Variants in APC observed in about 807,000 individuals in gnomAD.
The protein encoded by APC is APC regulator of Wnt signaling pathway.
In APC, 72 loss-of-function variants were observed where a neutral mutation model predicts 247.0. The observed-to-expected ratio is 0.29, with a 90% confidence interval of 0.24 to 0.35. The LOEUF is 0.35. Among genes scored for constraint, APC ranks in the 10% least tolerant of loss-of-function variants. The pLI, the probability that APC is intolerant of heterozygous loss-of-function variation, is 1.00. For missense variants in APC, 3,400 were observed against 3,360.7 expected, an observed-to-expected ratio of 1.01 and a Z score of -0.29; for synonymous variants, 1,254 against 1,162.5, an observed-to-expected ratio of 1.08 and a Z score of -1.60.
At chr5:112,736,637 C>G (rs527500404), upstream of APC, among the ~76,000 whole-genome samples, 76 of 152,206 alleles carry the variant, frequency 5.0e-4, no homozygotes, top group Admixed American at 2.0e-3. Flanking sequence ...AAGTTTAGGC[C>G]GGGCACAGTG....
intron 10 of APC, among the ~76,000 whole-genome samples, chr5:112,820,217 G>A (rs534986763): frequency 2.1e-5 from 3 of 146,206 alleles, no homozygotes; most frequent in East Asian, 4.0e-4. Flanking sequence ...ACACACACAC[G>A]TGCACTACAA....
intron 1 of APC, among the ~76,000 whole-genome samples, chr5:112,739,456 G>C (rs1752730657): frequency 6.6e-6 from 1 of 152,184 alleles, no homozygotes; most frequent in Admixed American, 6.5e-5. Context: ...GCGGAATTGG[G>C]CTGGCTTAGA....
chr5:112,816,751 C>G (rs762339705), intron 9 of APC, among the ~76,000 whole-genome samples: 1 of 151,146 alleles, frequency 6.6e-6, no homozygotes, highest in Non-Finnish European at 1.5e-5. Context: ...TGAGATTGTG[C>G]CATTGCACTC....
intron 9 of APC, among the ~76,000 whole-genome samples, chr5:112,817,496 T>C (rs983649366): frequency 6.6e-6 from 1 of 152,190 alleles, no homozygotes; most frequent in African/African-American, 2.4e-5. Flanking sequence ...GAAGTATCCA[T>C]ATTTCTCTAA....
At chr5:112,783,968 T>G (rs868685506) in intron 6 of APC, among the ~76,000 whole-genome samples, 2 of 152,222 alleles carry the variant, frequency 1.3e-5, no homozygotes, top group African/African-American at 4.8e-5. Context: ...ATTTTTTTTT[T>G]GCCTATCAGC....
Position 112,843,565 on chromosome 5 carries a change from T to G in APC, c.7971T>G (p.Val2657=), listed in dbSNP as rs2149997186. Residue 2657 remains valine (V), a synonymous_variant, in exon 16 of 16, where the codon GTT becomes GTG. Transcript: ENST00000257430. The surrounding 1 kb of genome is among the most constrained non-coding windows in gnomAD (Gnocchi z 4.8). ...MAPAVSKTED[V]WVRIEDCPIN... is the part of the protein sequence containing the mutation. ...CTGCTGTTTCTAAAACAGAGGATGT[T>G]TGGGTGAGAATTGAGGACTGTCCCA... 1 of 1,614,046 alleles carries G rather than the reference T, an allele frequency of 6.2e-7. No homozygotes were observed.
At chr5:112,777,742 AC>A (rs2149625739) in intron 5 of APC, 1 of 240,840 alleles carries the variant, frequency 4.2e-6, no homozygotes, top group African/African-American at 2.3e-5. Flanking sequence ...GCCAGCAGCA[AC>A]TCTGCCTAAT....
At chr5:112,750,818 G>T (rs1754276549) in intron 1 of APC, among the ~76,000 whole-genome samples, 1 of 152,022 alleles carries the variant, frequency 6.6e-6, no homozygotes, top group African/African-American at 2.4e-5. Context: ...AAAAATAAAA[G>T]TCTGCTCTCA....
At chr5:112,755,960 T>A (rs1186716907) in intron 2 of APC, among the ~76,000 whole-genome samples, 1 of 150,450 alleles carries the variant, frequency 6.6e-6, no homozygotes, top group Admixed American at 6.6e-5. Context: ...AAAAAAAAAA[T>A]TACTTCCTTT....
intron 4 of APC, 147 bp downstream of exon 4, chr5:112,767,537 T>C (rs796199186): frequency 7.8e-6 from 5 of 643,716 alleles, no homozygotes; most frequent in Admixed American, 5.7e-5. Flanking sequence ...TAGCATGTTA[T>C]TGATTGCACT....
chr5:112,818,511 A>C (rs532755181), intron 9 of APC, among the ~76,000 whole-genome samples: 2 of 152,326 alleles, frequency 1.3e-5, no homozygotes, highest in East Asian at 3.9e-4. Flanking sequence ...AAATTGTTGC[A>C]GAAATGTTTT....
Position 112,766,328 on chromosome 5 carries a change from A to G in APC, c.138A>G (p.Glu46=), listed in dbSNP as rs1429803547. ...ATATATTGTGTTCTTTTTAACAGGA[A>G]GTACTTAAACAACTACAAGGAAGTA... ...KLETEASNMK[E]VLKQLQGSIE... Residue 46 remains glutamate, a splice_region_variant and synonymous_variant, in exon 3 of 16, where the codon GAA becomes GAG. Coordinates refer to ENST00000257430, the MANE Select transcript of APC (RefSeq NM_000038.6). 4 of 1,590,630 alleles carry G rather than the reference A, an allele frequency of 2.5e-6. No individual in the cohort carries two copies. The highest frequency in any genetic ancestry group is 3.5e-6 in the Non-Finnish European group (4 of 1,159,110).
chr5:112,763,978 C>T lies in APC; in HGVS notation c.136-2348C>T, dbSNP rs1755966955. Among the ~76,000 whole-genome samples, 2 of 152,064 alleles carry T rather than the reference C, an allele frequency of 1.3e-5. 1 individual carries two copies. Among genetic ancestry groups the T allele is most frequent in the South Asian group, 4.1e-4 (2 of 4,824 alleles). ...ATCGGCCGGGCGCGGTGGCTCACGC[C>T]TGTAATCCCAGCACTTTGGGAGGCT... On this transcript the variant is annotated intron_variant, in intron 2 of 15. Transcript: ENST00000257430.
chr5:112,815,536 G>T lies in APC; in HGVS notation c.876G>T (p.Leu292Phe), dbSNP rs760059672. ...TGGACCATGAAACAGCCAGTGTTTT[G>T]AGTTCTAGTAGCACACACTCTGCAC... ...TRMDHETASV[L>F]SSSSTHSAPR... The change falls in exon 9 of 16, where the codon TTG becomes TTT. Residue 292 changes from leucine (L) to phenylalanine (F), a missense_variant. Physicochemically the swap from Leu to Phe is conservative, Grantham distance 22. This residue lies in a region of APC where 372 missense variants were observed against 367.6 expected (regional missense o/e 1.01). Transcript: ENST00000257430. The T allele has an allele frequency of 1.9e-6, 3 of 1,612,416 alleles. No individual in the cohort carries two copies. Among genetic ancestry groups the T allele is most frequent in the South Asian group, 1.1e-5 (1 of 91,024 alleles).
intron 1 of APC, among the ~76,000 whole-genome samples, chr5:112,754,243 T>C (rs1315775374): frequency 6.6e-6 from 1 of 152,208 alleles, no homozygotes; most frequent in Non-Finnish European, 1.5e-5. Flanking sequence ...AACTTTATGT[T>C]AGTAATTCTT....
At chr5:112,799,200 A>AT (rs1760527920) in intron 7 of APC, among the ~76,000 whole-genome samples, 1 of 151,596 alleles carries the variant, frequency 6.6e-6, no homozygotes, top group African/African-American at 2.4e-5. Context: ...AAAAAAAAAA[A>AT]AAAAGGCACT....
In APC at chr5:112,828,136, A is replaced by G. The variant is rs2149814719; in HGVS notation, c.1626+130A>G. 6.4e-6 allele frequency: 5 copies of G among 775,944 alleles called. No homozygotes were observed. In the South Asian group the frequency reaches 7.3e-5, roughly 11 times the overall value. The allele number at this position is 775,944 out of a possible 1,614,324, so 48.1% of individuals were successfully genotyped here. On this transcript the variant is annotated intron_variant, in intron 13 of 15. Coordinates refer to ENST00000257430, the MANE Select transcript of APC (RefSeq NM_000038.6). ...CTGCAACCTCTGCCTCCAGGGTTCAAGCAATCCTCCCACTTCAGCCTCTCG... is the reference window on the plus strand; with the variant it reads ...CTGCAACCTCTGCCTCCAGGGTTCAGGCAATCCTCCCACTTCAGCCTCTCG...
chr5:112,714,472 A>G (rs1358956336), intron 1 of APC, among the ~76,000 whole-genome samples: 1 of 152,222 alleles, frequency 6.6e-6, no homozygotes, highest in Non-Finnish European at 1.5e-5. Context: ...TCTTCTAGTA[A>G]ACTTTAGCTA....
At chr5:112,735,970 A>C (rs1391178387), upstream of APC, among the ~76,000 whole-genome samples, 1 of 152,226 alleles carries the variant, frequency 6.6e-6, no homozygotes, top group Non-Finnish European at 1.5e-5. Flanking sequence ...GTCTGAGTCA[A>C]GAGTAATAGG....
Sources: gnomAD v4.1 joint callset for allele counts (sites outside exome capture counted in the v4.1 genomes callset) on GRCh38, gnomAD v4.1.1 for gene constraint, gnomAD v4.1.1 regional missense constraint, Gnocchi (gnomAD v3.1) non-coding constraint, MANE v1.5 for transcripts, NCBI Gene and HGNC (gene_info 2026-07-23, HGNC 2026-07-21) for gene names.